Variants in DLG2 observed in about 807,000 individuals in gnomAD.
The protein encoded by DLG2 is discs large MAGUK scaffold protein 2.
A neutral mutation model predicts 132.5 loss-of-function variants in DLG2; 45 were observed. The ratio of observed to expected loss-of-function variants is 0.34; its 90% confidence interval spans 0.27 to 0.44. The LOEUF is 0.44. DLG2 is among the 20% of genes least tolerant of loss of function. DLG2 has a pLI of 1.00. For missense variants in DLG2, 1,045 were observed against 1,196.9 expected (o/e 0.87, Z 1.87); for synonymous variants, 424 against 419.6 (o/e 1.01, Z -0.13).
chr11:83,877,104 C>T (rs80005338), intron 15 of DLG2, among the ~76,000 whole-genome samples: 4,886 of 152,110 alleles, frequency 0.032, 196 homozygotes, highest in African/African-American at 0.091. Context: ...AATTACTTTT[C>T]AAAAGCTTTG....
intron 15 of DLG2, among the ~76,000 whole-genome samples, chr11:83,923,673 G>A (rs2078375015): frequency 6.6e-6 from 1 of 152,094 alleles, no homozygotes; most frequent in African/African-American, 2.4e-5. Context: ...CAGTCACCAA[G>A]TACCACCTGT....
intron 10 of DLG2, among the ~76,000 whole-genome samples, chr11:84,069,232 G>T (rs1167588640): frequency 6.6e-6 from 1 of 152,192 alleles, no homozygotes; most frequent in Non-Finnish European, 1.5e-5. Context: ...TCTAGGTTTT[G>T]AAGGGTCATT....
chr11:84,797,126 C>T (rs560980713), intron 6 of DLG2, among the ~76,000 whole-genome samples: 11 of 152,198 alleles, frequency 7.2e-5, no homozygotes, highest in South Asian at 2.1e-4. Context: ...GGATTACAGG[C>T]GTGAGCCACC....
At chr11:83,882,931 G>C (rs2066697919) in intron 15 of DLG2, among the ~76,000 whole-genome samples, 1 of 152,168 alleles carries the variant, frequency 6.6e-6, no homozygotes. Flanking sequence ...TGAGATCGAA[G>C]ACAGATGCAA....
intron 6 of DLG2, among the ~76,000 whole-genome samples, chr11:84,834,666 G>A (rs1287473833): frequency 6.6e-6 from 1 of 151,456 alleles, no homozygotes; most frequent in Non-Finnish European, 1.5e-5. Flanking sequence ...TTTTTATCAT[G>A]AGGTGCAGGG....
intron 7 of DLG2, among the ~76,000 whole-genome samples, chr11:84,327,664 A>C (rs1478129581): frequency 2.0e-5 from 3 of 152,196 alleles, no homozygotes; most frequent in African/African-American, 7.2e-5. Context: ...TTAAGCTGAT[A>C]ATAACTTAAC....
chr11:85,270,327 G>C (rs1219825350), intron 4 of DLG2, among the ~76,000 whole-genome samples: 1 of 152,154 alleles, frequency 6.6e-6, no homozygotes, highest in African/African-American at 2.4e-5. Context: ...CGCCATGTGA[G>C]ACATGCCTTC....
intron 7 of DLG2, among the ~76,000 whole-genome samples, chr11:84,453,435 A>C (rs1415322184): frequency 2.6e-5 from 4 of 151,618 alleles, no homozygotes; most frequent in Non-Finnish European, 5.9e-5. Flanking sequence ...TAGAAAAGGT[A>C]GTAAGGCTAG....
intron 10 of DLG2, among the ~76,000 whole-genome samples, chr11:84,060,419 A>C (rs1050525228): frequency 6.6e-6 from 1 of 152,130 alleles, no homozygotes; most frequent in African/African-American, 2.4e-5. Flanking sequence ...TCATCTTACA[A>C]TATTATAAAT....
At chr11:85,612,930 T>A (rs1253512468) in intron 2 of DLG2, among the ~76,000 whole-genome samples, 1 of 152,314 alleles carries the variant, frequency 6.6e-6, no homozygotes, top group Non-Finnish European at 1.5e-5. Context: ...TTGGCAGCAG[T>A]GACTCTCCAA....
At chr11:83,717,802 C>A (rs561924547) in intron 18 of DLG2, among the ~76,000 whole-genome samples, 3 of 152,128 alleles carry the variant, frequency 2.0e-5, no homozygotes, top group African/African-American at 4.8e-5. Flanking sequence ...TCTGCTGACA[C>A]AGAAAAAAAG....
intron 6 of DLG2, among the ~76,000 whole-genome samples, chr11:84,869,899 G>A (rs373165746): frequency 6.6e-6 from 1 of 152,284 alleles, no homozygotes; most frequent in East Asian, 1.9e-4. Flanking sequence ...ATACTTAAGA[G>A]TATTTTGGAA....
intron 3 of DLG2, among the ~76,000 whole-genome samples, chr11:85,534,672 T>C (rs569090991): frequency 1.3e-5 from 2 of 152,328 alleles, no homozygotes; most frequent in East Asian, 1.9e-4. Context: ...ACAAAGAACA[T>C]GATTATAGCT....
At chr11:83,684,659 G>A (rs1367606585) in intron 18 of DLG2, 1 of 152,038 alleles carries the variant, frequency 6.6e-6, no homozygotes, top group African/African-American at 2.4e-5. Flanking sequence ...AAGATCAATG[G>A]TTACTTCCTA....
chr11:83,718,954 T>C (rs1272374105), intron 18 of DLG2, among the ~76,000 whole-genome samples: 1 of 152,188 alleles, frequency 6.6e-6, no homozygotes, highest in African/African-American at 2.4e-5. Context: ...CCAGCACCTA[T>C]AGGCACCAGA....
chr11:84,022,278 G>A (rs2095417845), intron 11 of DLG2, among the ~76,000 whole-genome samples: 1 of 152,058 alleles, frequency 6.6e-6, no homozygotes, highest in African/African-American at 2.4e-5. Flanking sequence ...AACAAAACCA[G>A]AATGGCCAAC....
intron 3 of DLG2, among the ~76,000 whole-genome samples, chr11:85,413,536 G>C (rs539080428): frequency 2.0e-5 from 3 of 151,876 alleles, no homozygotes; most frequent in Non-Finnish European, 2.9e-5. Flanking sequence ...TAGAGTTTCC[G>C]GTCTTAGATT....
intron 3 of DLG2, among the ~76,000 whole-genome samples, chr11:85,433,490 G>A (rs905603998): frequency 1.3e-5 from 2 of 151,940 alleles, no homozygotes; most frequent in African/African-American, 2.4e-5. Context: ...CAAATGGAAA[G>A]CAGAAAAAAG....
intron 11 of DLG2, among the ~76,000 whole-genome samples, chr11:83,984,623 T>C (rs968132158): frequency 1.3e-5 from 2 of 152,116 alleles, no homozygotes; most frequent in Non-Finnish European, 2.9e-5. Flanking sequence ...CCTGAGTACA[T>C]ACTGTGCGTT....
Sources: gnomAD v4.1 joint callset for allele counts (sites outside exome capture counted in the v4.1 genomes callset) on GRCh38, gnomAD v4.1.1 for gene constraint, MANE v1.5 for transcripts, NCBI Gene and HGNC (gene_info 2026-07-23, HGNC 2026-07-21) for gene names.